NCKAP5: variants seen among roughly 807,000 people sequenced by gnomAD.
The protein encoded by NCKAP5 is NCK associated protein 5.
NCKAP5 carries 92 observed loss-of-function variants against 167.0 expected under a neutral mutation model. The ratio of observed to expected loss-of-function variants is 0.55; its 90% CI spans 0.47 to 0.66. NCKAP5 has a LOEUF of 0.66. Among genes scored for constraint, NCKAP5 ranks in the 30% least tolerant of loss-of-function variants. The pLI, the probability that NCKAP5 is intolerant of heterozygous loss-of-function variation, is 0.00. For synonymous variants in NCKAP5, 891 were observed against 877.4 expected (o/e 1.02, Z -0.27); for missense variants, 2,378 against 2,315.0 (o/e 1.03, Z -0.56).
chr2:132,746,731 A>G (rs1020874914), intron 16 of NCKAP5, among the ~76,000 whole-genome samples: 1 of 152,188 alleles, frequency 6.6e-6, no homozygotes. Context: ...TTTATCAGCC[A>G]GTGGATAAAC....
chr2:133,036,055 C>T (rs1293911331), intron 6 of NCKAP5, among the ~76,000 whole-genome samples: 1 of 151,474 alleles, frequency 6.6e-6, no homozygotes, highest in Admixed American at 6.6e-5. Flanking sequence ...AACTATATGT[C>T]AATAAATTGG....
At position 133,242,252 on chromosome 2, in the gene NCKAP5, T is replaced by TC. The variant is rs1488465164; in HGVS notation, c.144-28474_144-28473insG. Among the ~76,000 whole-genome samples the TC allele has an allele frequency of 8.2e-4, 123 of 150,042 alleles. 1 individual carries two copies. The highest frequency in any genetic ancestry group is 2.5e-4 in the Non-Finnish European group (17 of 67,898). On this transcript the variant is annotated intron_variant, in intron 4 of 19. Transcript: ENST00000409261. Reference sequence around the variant, plus strand: ...GTAAATACTCTGTTTTTCTTTTCTTTTCTTTTCTTTTTTTTTTAACTGAGA... The same window carrying TC: ...GTAAATACTCTGTTTTTCTTTTCTTTCTCTTTTCTTTTTTTTTTAACTGAGA...
intron 8 of NCKAP5, among the ~76,000 whole-genome samples, chr2:132,893,731 T>C (rs1053533863): frequency 1.2e-4 from 18 of 152,186 alleles, no homozygotes; most frequent in Non-Finnish European, 2.1e-4. Flanking sequence ...GAAACTGTGA[T>C]AAGACAGGAG....
chr2:133,450,172 T>C (rs551564462), intron 3 of NCKAP5, among the ~76,000 whole-genome samples: 20 of 151,980 alleles, frequency 1.3e-4, no homozygotes, highest in African/African-American at 4.6e-4. Flanking sequence ...AATTTAAAGG[T>C]TTAAAAGAAA....
chr2:133,037,452 T>C (rs1299801812), intron 6 of NCKAP5, among the ~76,000 whole-genome samples: 2 of 152,098 alleles, frequency 1.3e-5, no homozygotes, highest in African/African-American at 2.4e-5. Flanking sequence ...AACAGACACA[T>C]AGACCAATGG....
intron 19 of NCKAP5, among the ~76,000 whole-genome samples, chr2:132,693,048 T>C (rs1573892680): frequency 6.6e-6 from 1 of 152,338 alleles, no homozygotes; most frequent in African/African-American, 2.4e-5. Context: ...AAATTACAGC[T>C]GGAACAGCCA....
In NCKAP5 at chr2:132,731,893, A is replaced by T. The variant is rs1310684273; in HGVS notation, c.5287T>A (p.Ser1763Thr). 2 of 1,613,842 alleles carry T rather than the reference A, an allele frequency of 1.2e-6. No individual in the cohort carries two copies. Among genetic ancestry groups the T allele is most frequent in the Admixed American group, 3.3e-5 (2 of 60,008 alleles). The part of the protein sequence containing the change: ...PLQSALSAVS[S>T]MRAQTLEREV... ...CGTTCAAGGGTTTGGGCTCTCATGG[A>T]AGAAACTGCAGAAAGGGCTGACTGG... Residue 1763 changes from serine to threonine, a missense_variant, in exon 17 of 20, where the codon TCC (serine) becomes ACC (threonine). Transcript: ENST00000409261.
intron 13 of NCKAP5, among the ~76,000 whole-genome samples, chr2:132,787,646 C>T (rs1175362156): frequency 6.6e-6 from 1 of 152,108 alleles, no homozygotes; most frequent in South Asian, 2.1e-4. Context: ...AGGAAATTCT[C>T]CACCGTCAGA....
the NCKAP5 span, among the ~76,000 whole-genome samples, chr2:133,615,940 T>C: frequency 2.1e-3 from 313 of 150,780 alleles, 1 homozygote; most frequent in African/African-American, 7.4e-3. Context: ...ACAGAAATTA[T>C]AACAAACTAT....
chr2:133,389,338 T>G (rs1405194094), intron 3 of NCKAP5, among the ~76,000 whole-genome samples: 2 of 152,236 alleles, frequency 1.3e-5, no homozygotes, highest in East Asian at 3.9e-4. Context: ...GACATCCTGC[T>G]GTGATCTCTT....
chr2:133,668,095 G>C, the NCKAP5 span, among the ~76,000 whole-genome samples: 1 of 151,930 alleles, frequency 6.6e-6, no homozygotes, highest in Non-Finnish European at 1.5e-5. Flanking sequence ...CATTCATGTG[G>C]TATATAAATC....
Position 133,526,266 on chromosome 2 carries a change from AGGGAGGGAGGG to A in NCKAP5, c.-61-8690_-61-8680del, listed in dbSNP as rs1483172247. Among the ~76,000 whole-genome samples, 30 of 50,288 alleles carry A rather than the reference AGGGAGGGAGGG, an allele frequency of 6.0e-4. 3 individuals carry two copies. Among genetic ancestry groups the A allele is most frequent in the African/African-American group, 2.2e-3 (26 of 11,590 alleles). 33.0% of individuals were successfully genotyped at this position (50,288 alleles called of 152,430 possible). A position where few individuals can be genotyped will look rare whatever the true frequency, so the allele number is the denominator to read the frequency against. ...GAGGGAAGGAGGGAGGGAGGGAAGG[AGGGAGGGAGGG>A]AAGGAGGGAGGGAGGGAAGGAGGGA... On this transcript the variant is annotated intron_variant, in intron 2 of 19. Transcript: ENST00000409261.
intron 3 of NCKAP5, among the ~76,000 whole-genome samples, chr2:133,497,934 A>G (rs909792305): frequency 9.9e-5 from 15 of 152,178 alleles, no homozygotes; most frequent in African/African-American, 3.6e-4. Flanking sequence ...CACAACCCGC[A>G]ATGGTGAAAA....
chr2:132,795,314 A>G (rs1260539865), intron 12 of NCKAP5, among the ~76,000 whole-genome samples: 1 of 152,204 alleles, frequency 6.6e-6, no homozygotes, highest in African/African-American at 2.4e-5. Flanking sequence ...TATTCTTAAA[A>G]TTCTTCATCA....
At chr2:132,755,183 A>G (rs1331565722) in intron 16 of NCKAP5, among the ~76,000 whole-genome samples, 4 of 152,218 alleles carry the variant, frequency 2.6e-5, no homozygotes, top group Non-Finnish European at 5.9e-5. Flanking sequence ...GGCCATGAGG[A>G]CAATCTGGGA....
At chr2:133,402,509 C>T (rs1449921305) in intron 3 of NCKAP5, among the ~76,000 whole-genome samples, 1 of 152,146 alleles carries the variant, frequency 6.6e-6, no homozygotes, top group Non-Finnish European at 1.5e-5. Context: ...GTTCTGTTCC[C>T]TCCAAACCTC....
At chr2:133,082,351 T>C (rs1465132584) in intron 6 of NCKAP5, among the ~76,000 whole-genome samples, 3 of 152,164 alleles carry the variant, frequency 2.0e-5, no homozygotes, top group African/African-American at 7.2e-5. Context: ...ATCTGGTGAA[T>C]ACAATGTGCT....
chr2:133,411,664 T>A (rs1249585318), intron 3 of NCKAP5, among the ~76,000 whole-genome samples: 1 of 152,106 alleles, frequency 6.6e-6, no homozygotes, highest in African/African-American at 2.4e-5. Context: ...GATATCTTTG[T>A]GTACTCTGCT....
At chr2:133,277,276 A>G (rs1486452489) in intron 4 of NCKAP5, among the ~76,000 whole-genome samples, 1 of 152,218 alleles carries the variant, frequency 6.6e-6, no homozygotes, top group Non-Finnish European at 1.5e-5. Context: ...CTCCTGGAAA[A>G]TGAAGAAAAT....
Sources: gnomAD v4.1 joint callset for allele counts (sites outside exome capture counted in the v4.1 genomes callset) on GRCh38, gnomAD v4.1.1 for gene constraint, MANE v1.5 for transcripts, NCBI Gene and HGNC (gene_info 2026-07-23, HGNC 2026-07-21) for gene names.